The following FAM234A variants were observed in gnomAD, a reference collection of about 807,000 sequenced individuals.
FAM234A encodes the protein family with sequence similarity 234 member A.
Under a neutral mutation model 49.1 loss-of-function variants are expected in FAM234A, and 42 were observed. The ratio of observed to expected loss-of-function variants is 0.86; its 90% CI spans 0.67 to 1.11. FAM234A has a LOEUF of 1.11. FAM234A is among the 50% of genes least tolerant of loss of function. The pLI, the probability that FAM234A is intolerant of heterozygous loss-of-function variation, is 0.00. For synonymous variants in FAM234A, 369 were observed against 316.2 expected (o/e 1.17, Z -1.77); for missense variants, 815 against 745.2 (o/e 1.09, Z -1.09).
At chr16:255,891 G>C (rs1476991097) in intron 3 of FAM234A, among the ~76,000 whole-genome samples, 1 of 152,182 alleles carries the variant, frequency 6.6e-6, no homozygotes, top group Non-Finnish European at 1.5e-5. Context: ...TCAAACTCCC[G>C]ACCTCAGATG....
At chr16:267,829 C>T (rs575229296), downstream of FAM234A, among the ~76,000 whole-genome samples, 2 of 146,782 alleles carry the variant, frequency 1.4e-5, no homozygotes, top group African/African-American at 2.5e-5. Context: ...ATCACACATG[C>T]TATGCGTACA....
chr16:255,018 G>A (rs2051175741), intron 3 of FAM234A, among the ~76,000 whole-genome samples: 2 of 152,112 alleles, frequency 1.3e-5, no homozygotes, highest in South Asian at 4.1e-4. Context: ...ACCACGCCCA[G>A]CTAATATTTG....
intron 1 of FAM234A, among the ~76,000 whole-genome samples, chr16:248,646 G>A (rs1426359179): frequency 1.3e-5 from 2 of 151,816 alleles, no homozygotes; most frequent in Non-Finnish European, 2.9e-5. Context: ...TTTGAAACAG[G>A]GTCTTGTTCT....
In FAM234A at chr16:265,228, G is replaced by A. The variant is rs577915086; in HGVS notation, c.*206G>A. The A allele has an allele frequency of 3.5e-5, 48 of 1,387,080 alleles. No homozygotes were observed. Among genetic ancestry groups the A allele is most frequent in the African/African-American group, 5.8e-5 (4 of 68,846 alleles). The allele number at this position is 1,387,080 out of a possible 1,614,324, so 85.9% of individuals were successfully genotyped here. Reference sequence around the variant, plus strand: ...AGGGGACACCCTGGGCCTCTCTCCCGCCCAGCATCCTCCCTGAGTCCCCAC... The same window carrying A: ...AGGGGACACCCTGGGCCTCTCTCCCACCCAGCATCCTCCCTGAGTCCCCAC... On this transcript the variant is annotated 3_prime_UTR_variant, in exon 13 of 13. Coordinates refer to ENST00000399932, the MANE Select transcript of FAM234A (RefSeq NM_032039.4).
rs1158126646 is a variant in FAM234A at position 263,116 on chromosome 16, CTCTTCTCTTTTCAA to C, written c.972-145_972-132del. 8 of 1,033,452 alleles carry C rather than the reference CTCTTCTCTTTTCAA, an allele frequency of 7.7e-6. No individual in the cohort carries two copies. In the African/African-American group the frequency reaches 8.0e-5, roughly 10 times the overall value. 64.0% of individuals were successfully genotyped at this position (1,033,452 alleles called of 1,614,324 possible). A position where few individuals can be genotyped will look rare whatever the true frequency, so the allele number is the denominator to read the frequency against. ...TACAGGCATGAGCCACCGCGCCCAG[CTCTTCTCTTTTCAA>C]GCTGTAGAACTGAGAAACGGGTTAT... On this transcript the variant is annotated intron_variant, in intron 8 of 12. Transcript: ENST00000399932.
Position 265,819 on chromosome 16 carries a change from A to G in FAM234A, c.*797A>G, listed in dbSNP as rs2051675121. ...TGTTTGGGTCAGTCTGTGCCCTCTC[A>G]GTAGACACTGGAGCTGCTCTGTCCC... On this transcript the variant is annotated 3_prime_UTR_variant, in exon 13 of 13. Transcript: ENST00000399932. The G allele has an allele frequency of 8.1e-6, 8 of 985,696 alleles. No homozygotes were observed. Among genetic ancestry groups the G allele is most frequent in the Non-Finnish European group, 8.4e-6 (7 of 830,024 alleles). The allele number at this position is 985,696 out of a possible 1,614,324, so 61.1% of individuals were successfully genotyped here.
At chr16:245,054 C>G (rs535303227) in intron 1 of FAM234A, among the ~76,000 whole-genome samples, 3 of 152,110 alleles carry the variant, frequency 2.0e-5, no homozygotes, top group Admixed American at 6.6e-5. Flanking sequence ...TATATTCTCA[C>G]CAACACATTT....
At chr16:254,764 G>A in intron 3 of FAM234A, 83 bp downstream of exon 3, 3 of 1,378,888 alleles carry the variant, frequency 2.2e-6, no homozygotes, top group East Asian at 2.3e-5. Flanking sequence ...CTGTGTCTGC[G>A]AGTCTAGAAG....
At chr16:268,782 A>G, downstream of FAM234A, 4 of 1,550,036 alleles carry the variant, frequency 2.6e-6, no homozygotes, top group Non-Finnish European at 3.5e-6. Context: ...CCAGGCTCAC[A>G]CTGGGCGACA....
chr16:265,437 G>A lies in FAM234A; in HGVS notation c.*415G>A, dbSNP rs11248926. 160,828 of 1,000,696 alleles carry A rather than the reference G, an allele frequency of 0.16. 13,496 individuals carry two copies. The highest frequency in any genetic ancestry group is 0.32 in the East Asian group (2,975 of 9,410). The allele number at this position is 1,000,696 out of a possible 1,614,324, so 62.0% of individuals were successfully genotyped here. On this transcript the variant is annotated 3_prime_UTR_variant, in exon 13 of 13. Coordinates refer to ENST00000399932, the MANE Select transcript of FAM234A (RefSeq NM_032039.4). ...GCGTAGAAAGAACCAGGGTGTCCCC[G>A]GGACAGGCCGTCCCCCACCCCATCC...
intron 3 of FAM234A, 124 bp from the exon 4 acceptor site, chr16:259,359 G>A (rs932956063): frequency 7.8e-5 from 52 of 663,512 alleles, no homozygotes; most frequent in African/African-American, 4.7e-4. Flanking sequence ...AGAAGCCACC[G>A]TCCTCGTTGG....
intron 3 of FAM234A, among the ~76,000 whole-genome samples, chr16:259,109 G>C (rs1162604497): frequency 6.6e-6 from 1 of 152,136 alleles, no homozygotes; most frequent in Admixed American, 6.6e-5. Flanking sequence ...TTTGATTTTA[G>C]GGCATAAAGT....
At chr16:238,627 G>A (rs1171182304) in intron 1 of FAM234A, among the ~76,000 whole-genome samples, 21 of 151,618 alleles carry the variant, frequency 1.4e-4, no homozygotes, top group African/African-American at 3.1e-4. Context: ...TTAGCCAGGC[G>A]TGGTGACGGG....
At chr16:262,343 G>T (rs1251097107) in intron 7 of FAM234A, 81 bp from the exon 8 acceptor site, 1 of 1,558,650 alleles carries the variant, frequency 6.4e-7, no homozygotes, top group Non-Finnish European at 8.7e-7. Context: ...CAGGGGCCTG[G>T]CTCCATGTGG....
downstream of FAM234A, chr16:268,411 C>G (rs114569898): frequency 6.3e-3 from 2,073 of 330,184 alleles, 45 homozygotes; most frequent in African/African-American, 0.041. Context: ...ACCGCCCTAC[C>G]GCCGAGAGAG....
intron 1 of FAM234A, among the ~76,000 whole-genome samples, chr16:242,249 C>T (rs1307937126): frequency 2.6e-5 from 4 of 152,164 alleles, no homozygotes; most frequent in Admixed American, 2.6e-4. Flanking sequence ...GAGTCTTGGT[C>T]TATCACCCGG....
downstream of FAM234A, chr16:269,094 G>A: frequency 1.1e-6 from 1 of 926,752 alleles, no homozygotes. Context: ...GGCAGGGAGG[G>A]CTTGCTGGAG....
chr16:244,170 G>T (rs184392044), intron 1 of FAM234A, among the ~76,000 whole-genome samples: 30 of 151,974 alleles, frequency 2.0e-4, no homozygotes, highest in Non-Finnish European at 3.7e-4. Context: ...GGGTTTCACC[G>T]TGTTAGCTAG....
chr16:250,428 A>C, intron 2 of FAM234A, among the ~76,000 whole-genome samples: 1 of 150,522 alleles, frequency 6.6e-6, no homozygotes. Flanking sequence ...TGCCTTCCCC[A>C]CCCCCATGCC....
Sources: allele counts gnomAD v4.1 joint callset (sites outside exome capture counted in the v4.1 genomes callset), GRCh38; gene constraint gnomAD v4.1.1; transcripts MANE v1.5; gene names NCBI Gene and HGNC (gene_info 2026-07-23, HGNC 2026-07-21).